Variants in NEO1 observed in about 807,000 individuals in gnomAD.
NEO1 encodes the protein neogenin.
NEO1 carries 63 observed loss-of-function variants against 159.7 expected under a neutral mutation model. That is an observed-to-expected ratio of 0.39 (90% CI 0.32 to 0.49). NEO1 has a LOEUF of 0.49. Ranked by LOEUF, NEO1 falls within the 20% of genes least tolerant of loss-of-function variation. The pLI is 0.85. For missense variants in NEO1, 1,615 were observed against 1,831.0 expected (o/e 0.88, Z 2.15); for synonymous variants, 633 against 662.0 (o/e 0.96, Z 0.67).
At chr15:73,218,873 G>T (rs2038063115) in intron 7 of NEO1, among the ~76,000 whole-genome samples, 1 of 152,094 alleles carries the variant, frequency 6.6e-6, no homozygotes, top group South Asian at 2.1e-4. Context: ...CAAAAAACCA[G>T]CTCCTGGATT....
chr15:73,225,362 A>G (rs765610285), intron 7 of NEO1, among the ~76,000 whole-genome samples: 1 of 152,040 alleles, frequency 6.6e-6, no homozygotes, highest in Non-Finnish European at 1.5e-5. Flanking sequence ...GGGTCCTAGA[A>G]CTTCCAAGAT....
intron 22 of NEO1, among the ~76,000 whole-genome samples, chr15:73,282,358 G>C (rs949491001): frequency 2.0e-5 from 3 of 152,068 alleles, no homozygotes; most frequent in Non-Finnish European, 2.9e-5. Context: ...TTAGTACCTA[G>C]AACAATGACT....
intron 1 of NEO1, among the ~76,000 whole-genome samples, chr15:73,112,964 C>T (rs2071085922): frequency 6.6e-6 from 1 of 152,020 alleles, no homozygotes; most frequent in Non-Finnish European, 1.5e-5. Flanking sequence ...GTAGTTAGTT[C>T]ATCCTTTTCC....
chr15:73,124,327 T>A (rs1365723544), intron 3 of NEO1, among the ~76,000 whole-genome samples: 2 of 152,172 alleles, frequency 1.3e-5, no homozygotes, highest in African/African-American at 4.8e-5. Context: ...CCTCCCAAAG[T>A]GCTGGGCTTA....
At chr15:73,280,210 C>T (rs867144539) in intron 22 of NEO1, among the ~76,000 whole-genome samples, 23 of 151,508 alleles carry the variant, frequency 1.5e-4, no homozygotes, top group Admixed American at 1.3e-4. Context: ...CACTTGAACC[C>T]GGGAGGCAGA....
intron 15 of NEO1, among the ~76,000 whole-genome samples, chr15:73,264,682 A>G (rs2040802714): frequency 6.6e-6 from 1 of 152,212 alleles, no homozygotes; most frequent in South Asian, 2.1e-4. Flanking sequence ...TCATCTATTC[A>G]TCATCCTGGA....
intron 7 of NEO1, among the ~76,000 whole-genome samples, chr15:73,197,172 C>A (rs1418674584): frequency 6.6e-6 from 1 of 151,988 alleles, no homozygotes; most frequent in African/African-American, 2.4e-5. Flanking sequence ...CCAGCCTGGG[C>A]AGTATGTTGA....
chr15:73,138,535 T>C (rs2032013730), intron 5 of NEO1, among the ~76,000 whole-genome samples: 1 of 151,884 alleles, frequency 6.6e-6, no homozygotes, highest in East Asian at 1.9e-4. Context: ...GGCGGGCGGA[T>C]CACGAGGTCA....
chr15:73,231,595 G>A (rs949804332), intron 7 of NEO1, among the ~76,000 whole-genome samples: 9 of 152,132 alleles, frequency 5.9e-5, no homozygotes, highest in Admixed American at 4.6e-4. Context: ...TTAGCCAGGC[G>A]TGGATGTGCA....
Position 73,136,019 on chromosome 15 carries a change from C to T in NEO1, c.1007C>T (p.Thr336Ile). 6.2e-7 allele frequency: 1 copy of T among 1,607,458 alleles called. No individual in the cohort carries two copies. ...ACAATTGAAGCTCAAGCAGAGCTTA[C>T]AGTGCAAGGTATGTAAATATTTACT... Reference protein sequence around the residue: ...NETIEAQAELTVQAQPEFLKQ... With the variant: ...NETIEAQAELIVQAQPEFLKQ... The change falls in exon 5 of 29, where the codon ACA (threonine) becomes ATA (isoleucine). Residue 336 changes from threonine (T) to isoleucine (I), a missense_variant. By Grantham distance (89) the Thr-to-Ile change is moderately conservative. This residue lies in a region of NEO1 where 1,018 missense variants were observed against 1,115.4 expected (regional missense o/e 0.91). Transcript: ENST00000261908.
intron 4 of NEO1, among the ~76,000 whole-genome samples, chr15:73,129,257 A>C (rs2030753174): frequency 6.6e-6 from 1 of 152,224 alleles, no homozygotes; most frequent in East Asian, 1.9e-4. Context: ...AATTACCCAA[A>C]ATATCTTTGT....
intron 7 of NEO1, among the ~76,000 whole-genome samples, chr15:73,212,860 T>C (rs2037659029): frequency 6.6e-6 from 1 of 152,224 alleles, no homozygotes; most frequent in Non-Finnish European, 1.5e-5. Context: ...CTTTATGTAC[T>C]GTTATGGGAA....
chr15:73,135,998 T>C lies in NEO1; in HGVS notation c.986T>C (p.Ile329Thr), dbSNP rs1273604606. ...ATAGCTGATAATGGAAATGAGACAA[T>C]TGAAGCTCAAGCAGAGCTTACAGTG... Reference protein sequence around the residue: ...FCIADNGNETIEAQAELTVQA... With the variant: ...FCIADNGNETTEAQAELTVQA... Residue 329 changes from isoleucine (I) to threonine (T), a missense_variant, in exon 5 of 29, where the codon ATT becomes ACT. Around this residue, in one of 3 missense-constraint regions of NEO1, gnomAD observed 1,018 missense variants for 1,115.4 expected, o/e 0.91. Coordinates refer to ENST00000261908, the MANE Select transcript of NEO1 (RefSeq NM_002499.4). 8.1e-6 allele frequency: 13 copies of C among 1,611,464 alleles called. No individual in the cohort carries two copies. The highest frequency in any genetic ancestry group is 5.0e-5 in the Admixed American group (3 of 59,814).
Position 73,089,293 on chromosome 15 carries a change from G to A in NEO1, c.131-27247G>A, listed in dbSNP as rs1294525259. 3.9e-5 allele frequency among the ~76,000 whole-genome samples: 6 copies of A among 152,092 alleles called. No homozygotes were observed. In the East Asian group the frequency reaches 1.2e-3, roughly 29 times the overall value. On this transcript the variant is annotated intron_variant, in intron 1 of 28. Coordinates refer to ENST00000261908, the MANE Select transcript of NEO1 (RefSeq NM_002499.4). ...AGAATAAGAATAGGAGGATAGATTA[G>A]AATTAATTAGTTCAGTGATTTGTAT...
intron 4 of NEO1, among the ~76,000 whole-genome samples, chr15:73,128,137 C>A (rs1277646253): frequency 6.6e-6 from 1 of 152,180 alleles, no homozygotes; most frequent in South Asian, 2.1e-4. Flanking sequence ...TTCTCATCAT[C>A]CATCCACTCA....
intron 1 of NEO1, among the ~76,000 whole-genome samples, chr15:73,070,258 TA>T (rs1286992772): frequency 3.3e-5 from 5 of 152,236 alleles, no homozygotes; most frequent in Non-Finnish European, 5.9e-5. Context: ...AAAGTTGATA[TA>T]AAAAATACAC....
intron 26 of NEO1, among the ~76,000 whole-genome samples, chr15:73,297,964 A>G (rs1168464307): frequency 3.9e-5 from 6 of 152,246 alleles, no homozygotes; most frequent in Admixed American, 2.6e-4. Flanking sequence ...GTGGTTAGCC[A>G]TGGTTGTCTA....
chr15:73,220,002 C>T (rs1172685863), intron 7 of NEO1, among the ~76,000 whole-genome samples: 3 of 151,836 alleles, frequency 2.0e-5, no homozygotes, highest in African/African-American at 7.3e-5. Context: ...TTAGTTGATG[C>T]AGTTTCTTCC....
chr15:73,082,534 T>C (rs1254463116), intron 1 of NEO1, among the ~76,000 whole-genome samples: 2 of 152,020 alleles, frequency 1.3e-5, no homozygotes, highest in Non-Finnish European at 2.9e-5. Flanking sequence ...AATATGAAGT[T>C]CACAGAACAA....
Sources: gnomAD v4.1 joint callset for allele counts (sites outside exome capture counted in the v4.1 genomes callset) on GRCh38, gnomAD v4.1.1 for gene constraint, gnomAD v4.1.1 regional missense constraint, MANE v1.5 for transcripts, NCBI Gene and HGNC (gene_info 2026-07-23, HGNC 2026-07-21) for gene names.